Variants in WFDC8 observed in about 807,000 individuals in gnomAD.
WFDC8 encodes the protein WAP four-disulfide core domain protein 8.
WFDC8 carries 24 observed loss-of-function variants against 27.0 expected under a neutral mutation model. That is an observed-to-expected ratio of 0.89 (90% confidence interval 0.64 to 1.25). The LOEUF (loss-of-function observed/expected upper bound fraction) is 1.25. Among genes scored for constraint, WFDC8 ranks in the 50% most tolerant of loss-of-function variants. The probability of loss-of-function intolerance (pLI) is 0.00; values close to 1 mark genes in which losing one functional copy is unlikely to be tolerated. For missense variants in WFDC8, 287 were observed against 295.9 expected (o/e 0.97, Z 0.22); for synonymous variants, 106 against 99.7 (o/e 1.06, Z -0.38).
At position 45,553,137 on chromosome 20, in the gene WFDC8, TG is replaced by T; in HGVS notation, c.584del (p.Thr195LysfsTer40). 6.2e-7 allele frequency: 1 copy of T among 1,611,930 alleles called. No individual in the cohort carries two copies. Among genetic ancestry groups the T allele is most frequent in the Non-Finnish European group, 8.5e-7 (1 of 1,179,128 alleles). ...GGGAGGTATATCCCCAATCCTTACC[TG>T]TCCAGGCCCTGGCACAAACAAAGCC... ...RCGFVCARAW[T>X]VKKGFCPRKP... On this transcript the variant is annotated frameshift_variant and splice_region_variant, in exon 5 of 6. Coordinates refer to ENST00000289953, the MANE Select transcript of WFDC8 (RefSeq NM_130896.3). LOFTEE classifies it low-confidence loss of function (END_TRUNC).
chr20:45,555,490 A>G (rs1285666200), intron 4 of WFDC8, among the ~76,000 whole-genome samples: 1 of 152,212 alleles, frequency 6.6e-6, no homozygotes, highest in Non-Finnish European at 1.5e-5. Flanking sequence ...GAGCCACTCC[A>G]TTAGGTAAAT....
chr20:45,575,369 T>G (rs1368686028), intron 1 of WFDC8, among the ~76,000 whole-genome samples: 1 of 152,180 alleles, frequency 6.6e-6, no homozygotes, highest in Non-Finnish European at 1.5e-5. Context: ...GGCATTTCTA[T>G]ACACTAACAA....
chr20:45,567,374 A>G (rs1488069737), intron 1 of WFDC8, among the ~76,000 whole-genome samples: 8 of 152,220 alleles, frequency 5.3e-5, no homozygotes, highest in Non-Finnish European at 1.2e-4. Flanking sequence ...TCACATAAAT[A>G]TAAGGGCAAA....
rs554581593 is a variant in WFDC8, at chr20:45,564,692, CTT to C, written c.27-2475_27-2474del. Among the ~76,000 whole-genome samples the C allele has an allele frequency of 6.3e-3, 877 of 139,166 alleles. 10 individuals carry two copies. Among genetic ancestry groups the C allele is most frequent in the African/African-American group, 0.023 (831 of 36,438 alleles). 91.3% of individuals were successfully genotyped at this position (139,166 alleles called of 152,430 possible). A position where few individuals can be genotyped will look rare whatever the true frequency, so the allele number is the denominator to read the frequency against. On this transcript the variant is annotated intron_variant, in intron 1 of 5. Coordinates refer to ENST00000289953, the MANE Select transcript of WFDC8 (RefSeq NM_130896.3). ...TCTGTCTCAAAAAAAAAAAAAAAAACTTAGCCCAGCATGGCAGCGCACACCTG... is the reference window on the plus strand; with the variant it reads ...TCTGTCTCAAAAAAAAAAAAAAAAACAGCCCAGCATGGCAGCGCACACCTG...
At position 45,553,257 on chromosome 20, in the gene WFDC8, T is replaced by A; in HGVS notation, c.465A>T (p.Pro155=). 1 of 1,613,408 alleles carries A rather than the reference T, an allele frequency of 6.2e-7. No homozygotes were observed. The highest frequency in any genetic ancestry group is 8.5e-7 in the Non-Finnish European group (1 of 1,179,636). ...CCTTACGTTCAGTGAAAGGGAAGAG[T>A]GGGCATTGTCCATCCTTAACTAAAA... is the stretch of plus-strand genomic sequence containing the variant. ...CMLIVKDGQC[P]LFPFTERKEC... The change falls in exon 5 of 6, where the codon CCA becomes CCT. Residue 155 remains proline, a synonymous_variant. Coordinates refer to ENST00000289953, the MANE Select transcript of WFDC8 (RefSeq NM_130896.3).
chr20:45,562,215 A>T lies in WFDC8; in HGVS notation c.31T>A (p.Phe11Ile). 6.2e-7 allele frequency: 1 copy of T among 1,613,920 alleles called. No individual in the cohort carries two copies. The highest frequency in any genetic ancestry group is 8.5e-7 in the Non-Finnish European group (1 of 1,179,810). Residue 11 changes from phenylalanine (F) to isoleucine (I), a missense_variant, in exon 2 of 6, where the codon TTT (phenylalanine) becomes ATT (isoleucine). Transcript: ENST00000289953. Reference protein sequence around the residue: MWTVRTEGGHFPLHSPTFSWR... With the variant: MWTVRTEGGHIPLHSPTFSWR... The stretch of plus-strand genomic sequence containing the variant: ...GAGAAGGTGGGGCTATGGAGAGGAA[A>T]GTGCCTGTATGGATGAGAAGAGAGG...
In WFDC8 at chr20:45,575,522, TAAATG is replaced by T. The variant is rs1568643012; in HGVS notation, c.26+3695_26+3699del. Among the ~76,000 whole-genome samples, 2 of 144,018 alleles carry T rather than the reference TAAATG, an allele frequency of 1.4e-5. 1 individual carries two copies. Among genetic ancestry groups the T allele is most frequent in the South Asian group, 4.4e-4 (2 of 4,592 alleles). 94.5% of individuals were successfully genotyped at this position (144,018 alleles called of 152,430 possible). On this transcript the variant is annotated intron_variant, in intron 1 of 5. Coordinates refer to ENST00000289953, the MANE Select transcript of WFDC8 (RefSeq NM_130896.3). ...TGAAAGAAATTGGAGAAGACATAAA[TAAATG>T]AAAAGATATTTCATATTCATATTTC...
At position 45,563,976 on chromosome 20, in the gene WFDC8, A is replaced by G. The variant is rs563324685; in HGVS notation, c.27-1757T>C. 2.0e-5 allele frequency among the ~76,000 whole-genome samples: 3 copies of G among 152,376 alleles called. 1 individual carries two copies. The highest frequency in any genetic ancestry group is 6.5e-5 in the Admixed American group (1 of 15,308). ...TTAGCATAAGTATATCCCATGCAAT[A>G]TAAGGAACATAGTTCTACTAAAAAA... On this transcript the variant is annotated intron_variant, in intron 1 of 5. Transcript: ENST00000289953.
chr20:45,561,045 G>C (rs570025262), intron 2 of WFDC8, among the ~76,000 whole-genome samples: 5 of 152,246 alleles, frequency 3.3e-5, no homozygotes, highest in African/African-American at 1.2e-4. Context: ...AATCAAACTG[G>C]GTTTGAGTTG....
chr20:45,558,809 G>A (rs748838055), intron 3 of WFDC8, 43 bp downstream of exon 3: 2 of 1,611,470 alleles, frequency 1.2e-6, no homozygotes, highest in Non-Finnish European at 1.7e-6. Flanking sequence ...TTTGGACAGA[G>A]CAAGAAGTGG....
chr20:45,566,322 AT>A (rs1327451938), intron 1 of WFDC8, among the ~76,000 whole-genome samples: 1 of 152,166 alleles, frequency 6.6e-6, no homozygotes, highest in Non-Finnish European at 1.5e-5. Flanking sequence ...CATTAAAATA[AT>A]TTTTAAATGC....
chr20:45,573,697 T>A (rs1471740719), intron 1 of WFDC8, among the ~76,000 whole-genome samples: 1 of 152,240 alleles, frequency 6.6e-6, no homozygotes, highest in Non-Finnish European at 1.5e-5. Flanking sequence ...GAGTTGATTT[T>A]TTTGCATGGT....
chr20:45,563,438 A>G (rs1404591225), intron 1 of WFDC8, among the ~76,000 whole-genome samples: 1 of 152,204 alleles, frequency 6.6e-6, no homozygotes, highest in African/African-American at 2.4e-5. Context: ...TCCTGAATCC[A>G]CCACTTATCG....
At chr20:45,566,154 A>G (rs1980669358) in intron 1 of WFDC8, among the ~76,000 whole-genome samples, 1 of 152,046 alleles carries the variant, frequency 6.6e-6, no homozygotes, top group African/African-American at 2.4e-5. Context: ...TTTTTAGTTA[A>G]CTTTCTGGAA....
intron 1 of WFDC8, among the ~76,000 whole-genome samples, chr20:45,578,427 TG>T (rs1981119544): frequency 6.6e-6 from 1 of 151,526 alleles, no homozygotes; most frequent in Non-Finnish European, 1.5e-5. Flanking sequence ...TTGTTCCAAG[TG>T]GGGGCTCTAC....
chr20:45,576,038 A>C (rs895535136), intron 1 of WFDC8, among the ~76,000 whole-genome samples: 1 of 151,422 alleles, frequency 6.6e-6, no homozygotes, highest in African/African-American at 2.4e-5. Flanking sequence ...GCCTCGTCCA[A>C]AGATATTTTC....
chr20:45,561,368 G>T (rs1009092057), intron 2 of WFDC8, among the ~76,000 whole-genome samples: 1 of 152,096 alleles, frequency 6.6e-6, no homozygotes, highest in Non-Finnish European at 1.5e-5. Flanking sequence ...CACCATCTGG[G>T]CATCTCAGAA....
intron 1 of WFDC8, among the ~76,000 whole-genome samples, chr20:45,570,638 T>C (rs6094172): frequency 6.6e-6 from 1 of 152,200 alleles, no homozygotes; most frequent in African/African-American, 2.4e-5. Flanking sequence ...GAGGTATTTT[T>C]ATGAACCTAA....
intron 1 of WFDC8, chr20:45,568,816 A>G (rs540751146): frequency 1.1e-4 from 40 of 363,084 alleles, no homozygotes; most frequent in South Asian, 9.5e-4. Flanking sequence ...ATAATAGGAT[A>G]GTGAGGTCTC....
Sources: allele counts gnomAD v4.1 joint callset (sites outside exome capture counted in the v4.1 genomes callset), GRCh38; gene constraint gnomAD v4.1.1; transcripts MANE v1.5; gene names NCBI Gene and HGNC (gene_info 2026-07-23, HGNC 2026-07-21).